BPTF: variants seen among roughly 807,000 people sequenced by gnomAD.
BPTF encodes the protein nucleosome-remodeling factor subunit BPTF.
In BPTF, 18 loss-of-function variants were observed where a neutral mutation model predicts 292.5. That is an observed-to-expected ratio of 0.06 (90% CI 0.04 to 0.09). BPTF has a LOEUF of 0.09. Among genes scored for constraint, BPTF ranks in the 10% least tolerant of loss-of-function variants. The pLI, the probability that BPTF is intolerant of heterozygous loss-of-function variation, is 1.00. For missense variants in BPTF, 2,726 were observed against 3,498.7 expected, an observed-to-expected ratio of 0.78 and a Z score of 5.57; for synonymous variants, 1,225 against 1,251.9, an observed-to-expected ratio of 0.98 and a Z score of 0.45.
rs186983633 is a variant in BPTF, at chr17:67,880,170, C to T, written c.1864+5150C>T. On this transcript the variant is annotated intron_variant, in intron 4 of 27. Transcript: ENST00000306378. ...ATTTTTCCAATCTGGAAATTCGTTACCTGCCCCCGTTAATCGTGTTGTGAG... is the reference window on the plus strand; with the variant it reads ...ATTTTTCCAATCTGGAAATTCGTTATCTGCCCCCGTTAATCGTGTTGTGAG... Among the ~76,000 whole-genome samples, 4 of 152,128 alleles carry T rather than the reference C, an allele frequency of 2.6e-5. No homozygotes were observed. In the East Asian group the frequency reaches 7.7e-4, roughly 29 times the overall value.
intron 24 of BPTF, among the ~76,000 whole-genome samples, chr17:67,961,482 GGA>G (rs2148334641): frequency 1.3e-5 from 2 of 152,142 alleles, no homozygotes; most frequent in South Asian, 4.1e-4. Context: ...ATCACCCTGT[GGA>G]GATAACACAC....
chr17:67,886,033 C>A lies in BPTF; in HGVS notation c.1865-5811C>A, dbSNP rs1204281180. On this transcript the variant is annotated intron_variant, in intron 4 of 27. Coordinates refer to ENST00000306378, the MANE Select transcript of BPTF (RefSeq NM_182641.4). The stretch of plus-strand genomic sequence containing the variant: ...AACAGATTTTCTTTTAAAAATACAG[C>A]TTCTTAATGAAATCCTAAAACAATT... 6 of 943,478 alleles carry A rather than the reference C, an allele frequency of 6.4e-6. No homozygotes were observed. In the African/African-American group the frequency reaches 6.5e-5, roughly 10 times the overall value. The allele number at this position is 943,478 out of a possible 1,614,324, so 58.4% of individuals were successfully genotyped here.
intron 3 of BPTF, among the ~76,000 whole-genome samples, chr17:67,869,814 T>A (rs2059602451): frequency 7.9e-6 from 1 of 125,876 alleles, no homozygotes; most frequent in Admixed American, 8.8e-5. Context: ...AAACCCCGTC[T>A]CTACTAAAAA....
chr17:67,909,711 C>T lies in BPTF; in HGVS notation c.2942C>T (p.Ala981Val). 1 of 1,592,424 alleles carries T rather than the reference C, an allele frequency of 6.3e-7. No individual in the cohort carries two copies. The highest frequency in any genetic ancestry group is 8.5e-7 in the Non-Finnish European group (1 of 1,172,430). ...AAAGGTTCAGATGCTGCAAAAGGAG[C>T]AGACCAAAATGAAATGGATATCTCA... Reference protein sequence around the residue: ...EVKGSDAAKGADQNEMDISKI... With the variant: ...EVKGSDAAKGVDQNEMDISKI... Residue 981 changes from alanine (A) to valine (V), a missense_variant, in exon 10 of 28, where the codon GCA becomes GTA. Coordinates refer to ENST00000306378, the MANE Select transcript of BPTF (RefSeq NM_182641.4).
In BPTF at chr17:67,875,158, C is replaced by T. The variant is rs927317061; in HGVS notation, c.1864+138C>T. On this transcript the variant is annotated intron_variant, in intron 4 of 27. Coordinates refer to ENST00000306378, the MANE Select transcript of BPTF (RefSeq NM_182641.4). ...TTTCTAAAGAGATCAGGATACCGTCCCCTCTTATAACGTGTGTAACAATTG... is the reference window on the plus strand; with the variant it reads ...TTTCTAAAGAGATCAGGATACCGTCTCCTCTTATAACGTGTGTAACAATTG... 3 of 726,536 alleles carry T rather than the reference C, an allele frequency of 4.1e-6. No individual in the cohort carries two copies. The East Asian group carries it at 8.1e-5, about 20-fold the overall frequency. The allele number at this position is 726,536 out of a possible 1,614,324, so 45.0% of individuals were successfully genotyped here.
chr17:67,982,360 C>T lies in BPTF; in HGVS notation c.*72C>T. ...TCTGAACTATTTTAAATTAAGGAGC[C>T]AGATGTTTTTAGTCAGGCTATCCTG... On this transcript the variant is annotated 3_prime_UTR_variant, in exon 28 of 28. Coordinates refer to ENST00000306378, the MANE Select transcript of BPTF (RefSeq NM_182641.4). The T allele has an allele frequency of 1.4e-6, 2 of 1,429,816 alleles. No homozygotes were observed. Among genetic ancestry groups the T allele is most frequent in the East Asian group, 4.6e-5 (2 of 43,774 alleles). The allele number at this position is 1,429,816 out of a possible 1,614,324, so 88.6% of individuals were successfully genotyped here. A position where few individuals can be genotyped will look rare whatever the true frequency, so the allele number is the denominator to read the frequency against.
intron 26 of BPTF, among the ~76,000 whole-genome samples, chr17:67,967,014 C>A (rs190132653): frequency 6.6e-6 from 1 of 151,308 alleles, no homozygotes; most frequent in Non-Finnish European, 1.5e-5. Flanking sequence ...GCAGGAGAAT[C>A]GCTTGAACCA....
chr17:67,979,010 T>C (rs1161465578), intron 27 of BPTF, among the ~76,000 whole-genome samples: 2 of 150,790 alleles, frequency 1.3e-5, no homozygotes, highest in African/African-American at 4.9e-5. Flanking sequence ...ACCCCATCTT[T>C]ACAAAACACA....
chr17:67,927,136 T>C (rs977959200), intron 15 of BPTF, among the ~76,000 whole-genome samples: 4 of 152,062 alleles, frequency 2.6e-5, no homozygotes, highest in Non-Finnish European at 4.4e-5. Context: ...TGGTGCAGGA[T>C]TGGAATTTGA....
In BPTF at chr17:67,919,971, G is replaced by A. The variant is rs753489951; in HGVS notation, c.5429-44G>A. Reference sequence around the variant, plus strand: ...CCAGATGTACCTTTTTAGTCTCTGAGTATTTCAGTTGGTTATTAATACTAT... The same window carrying A: ...CCAGATGTACCTTTTTAGTCTCTGAATATTTCAGTTGGTTATTAATACTAT... On this transcript the variant is annotated intron_variant, in intron 12 of 27. Coordinates refer to ENST00000306378, the MANE Select transcript of BPTF (RefSeq NM_182641.4). The A allele has an allele frequency of 3.8e-6, 6 of 1,565,876 alleles. No homozygotes were observed. In the Admixed American group the frequency reaches 7.5e-5, roughly 20 times the overall value.
At chr17:67,896,184 C>G (rs28677969) in intron 7 of BPTF, among the ~76,000 whole-genome samples, 143,931 of 151,488 alleles carry the variant, frequency 0.95, 68,554 homozygotes, top group African/African-American at 0.99. Flanking sequence ...GGATGGTCTC[C>G]ATCTCCTGAC....
chr17:67,967,945 G>A (rs1454565120), intron 26 of BPTF, among the ~76,000 whole-genome samples: 1 of 151,338 alleles, frequency 6.6e-6, no homozygotes. Flanking sequence ...ATGGGTTGGG[G>A]TCTCTTTGAT....
chr17:67,940,685 TA>T, intron 19 of BPTF, 29 bp downstream of exon 19: 1 of 1,584,526 alleles, frequency 6.3e-7, no homozygotes, highest in South Asian at 1.1e-5. Flanking sequence ...ATTTTAACTT[TA>T]GAGGTGATCT....
chr17:67,946,971 C>T (rs1555675783), intron 21 of BPTF, among the ~76,000 whole-genome samples: 1 of 152,192 alleles, frequency 6.6e-6, no homozygotes, highest in East Asian at 1.9e-4. Flanking sequence ...CAGCACTAGG[C>T]AGGAGTTTGA....
At chr17:67,900,620 A>G (rs1345077407) in intron 7 of BPTF, among the ~76,000 whole-genome samples, 1 of 152,088 alleles carries the variant, frequency 6.6e-6, no homozygotes, top group Non-Finnish European at 1.5e-5. Flanking sequence ...TTAAAGCTTA[A>G]CTAAAGACAT....
intron 2 of BPTF, among the ~76,000 whole-genome samples, chr17:67,858,619 T>TG (rs57586285): frequency 0.064 from 9,267 of 143,782 alleles, 807 homozygotes; most frequent in African/African-American, 0.26. Flanking sequence ...AATTCAGTGA[T>TG]GCTGCCTGTC....
At chr17:67,921,432 G>A (rs1056808171) in intron 13 of BPTF, among the ~76,000 whole-genome samples, 1 of 151,220 alleles carries the variant, frequency 6.6e-6, no homozygotes. Context: ...AGGGTGAGGC[G>A]GGAGAATCAC....
In BPTF at chr17:67,947,769, A is replaced by G; in HGVS notation, c.7661A>G (p.Lys2554Arg). ...HNAVIEHLKQ[K>R]KSMTPAEREE... ...GCTGTAATAGAACATTTAAAACAGA[A>G]AAAGAGCATGACTCCAGCTGAAAGA... Residue 2554 changes from lysine to arginine, a missense_variant, in exon 22 of 28, where the codon AAA becomes AGA. Coordinates refer to ENST00000306378, the MANE Select transcript of BPTF (RefSeq NM_182641.4). 1 of 1,554,328 alleles carries G rather than the reference A, an allele frequency of 6.4e-7. No homozygotes were observed. The highest frequency in any genetic ancestry group is 8.7e-7 in the Non-Finnish European group (1 of 1,148,152).
intron 11 of BPTF, among the ~76,000 whole-genome samples, chr17:67,915,868 ATT>A (rs2062951210): frequency 1.3e-5 from 2 of 152,136 alleles, no homozygotes; most frequent in East Asian, 3.9e-4. Flanking sequence ...ATGCTCAAGT[ATT>A]TTTTGAATGA....
Sources: allele counts gnomAD v4.1 joint callset (sites outside exome capture counted in the v4.1 genomes callset), GRCh38; gene constraint gnomAD v4.1.1; transcripts MANE v1.5; gene names NCBI Gene and HGNC (gene_info 2026-07-23, HGNC 2026-07-21).